The following FANCD2OS variants were observed in gnomAD, a reference collection of about 807,000 sequenced individuals.
FANCD2OS encodes the protein FANCD2 opposite strand protein.
FANCD2OS carries 11 observed loss-of-function variants against 13.2 expected under a neutral mutation model. The ratio of observed to expected loss-of-function variants is 0.83; its 90% CI spans 0.52 to 1.38. The LOEUF is 1.38. Ranked by LOEUF, FANCD2OS falls within the 40% of genes most tolerant of loss-of-function variation. FANCD2OS has a pLI of 0.00. For synonymous variants in FANCD2OS, 69 were observed against 84.5 expected (o/e 0.82, Z 1.01); for missense variants, 217 against 213.9 (o/e 1.01, Z -0.09).
intron 2 of FANCD2OS, among the ~76,000 whole-genome samples, chr3:10,084,360 C>T (rs1451985676): frequency 6.6e-6 from 1 of 151,270 alleles, no homozygotes; most frequent in Non-Finnish European, 1.5e-5. Flanking sequence ...AACACAATCA[C>T]AGCTCACTGC....
At chr3:10,092,346 A>T in intron 2 of FANCD2OS, 1 of 946,626 alleles carries the variant, frequency 1.1e-6, no homozygotes, top group East Asian at 2.4e-5. Flanking sequence ...TCCTCTTCCC[A>T]CTCTTCCTTG....
intron 2 of FANCD2OS, chr3:10,088,623 G>T (rs989705622): frequency 7.2e-5 from 83 of 1,152,560 alleles, no homozygotes; most frequent in Admixed American, 1.8e-4. Context: ...CTGGACAAAT[G>T]ACCTTTTTAG....
At chr3:10,097,208 A>G (rs541158285) in intron 2 of FANCD2OS, among the ~76,000 whole-genome samples, 1 of 152,352 alleles carries the variant, frequency 6.6e-6, no homozygotes, top group Non-Finnish European at 1.5e-5. Flanking sequence ...GGCGAAATTG[A>G]AATTGCTAAT....
intron 2 of FANCD2OS, among the ~76,000 whole-genome samples, chr3:10,090,103 T>A (rs779920070): frequency 1.3e-5 from 2 of 152,206 alleles, no homozygotes; most frequent in African/African-American, 4.8e-5. Context: ...GTTAATTCCA[T>A]TGTTTGACAG....
At position 10,093,270 on chromosome 3, in the gene FANCD2OS, C is replaced by T. The variant is rs747410472; in HGVS notation, c.*43+10928G>A. ...GCAGATCTCAGCCTTGGTTTCTTGT[C>T]TTTCACCTCTCCAGGTATTTGATAG... is the stretch of plus-strand genomic sequence containing the variant. On this transcript the variant is annotated intron_variant, in intron 2 of 2. Transcript: ENST00000524279. 13 of 1,612,102 alleles carry T rather than the reference C, an allele frequency of 8.1e-6. No individual in the cohort carries two copies. The Admixed American group carries it at 2.0e-4, about 25-fold the overall frequency.
At chr3:10,087,657 T>G (rs958755912) in intron 2 of FANCD2OS, among the ~76,000 whole-genome samples, 1 of 151,278 alleles carries the variant, frequency 6.6e-6, no homozygotes, top group African/African-American at 2.4e-5. Flanking sequence ...GGCCTTTTTC[T>G]TTTTTTTTGA....
At chr3:10,100,838 G>A (rs1383321666), downstream of FANCD2OS, among the ~76,000 whole-genome samples, 1 of 152,178 alleles carries the variant, frequency 6.6e-6, no homozygotes, top group African/African-American at 2.4e-5. Context: ...GGGAGGCTGA[G>A]GCAGGCAGAT....
chr3:10,094,433 C>T (rs2125091023), intron 2 of FANCD2OS: 1 of 1,332,910 alleles, frequency 7.5e-7, no homozygotes. Flanking sequence ...CTTGGTGACT[C>T]CTGGGTGGGG....
At chr3:10,082,843 G>A (rs895342718) in intron 2 of FANCD2OS, among the ~76,000 whole-genome samples, 6 of 152,202 alleles carry the variant, frequency 3.9e-5, no homozygotes, top group African/African-American at 1.4e-4. Flanking sequence ...GAAGGCAGAT[G>A]TCTGTCATTT....
chr3:10,082,149 C>T (rs35793548), intron 2 of FANCD2OS, among the ~76,000 whole-genome samples: 4,627 of 152,312 alleles, frequency 0.03, 240 homozygotes, highest in African/African-American at 0.11. Flanking sequence ...GCTCCTTCAG[C>T]TTTGCCTGGC....
At position 10,105,024 on chromosome 3, in the gene FANCD2OS, G is replaced by A. The variant is rs372683114; in HGVS notation, c.-8-242C>T. On this transcript the variant is annotated intron_variant, in intron 1 of 1. Transcript: ENST00000450660. ...TGCAGTGGAGCGATCTTGGCTCACT[G>A]TATTTTTTTGTAGTGACAGAGTTTT... Among the ~76,000 whole-genome samples the A allele has an allele frequency of 5.9e-5, 9 of 152,238 alleles. No homozygotes were observed. The South Asian group carries it at 8.3e-4, about 14-fold the overall frequency.
chr3:10,096,139 G>A (rs1559409348), intron 2 of FANCD2OS, among the ~76,000 whole-genome samples: 1 of 152,176 alleles, frequency 6.6e-6, no homozygotes, highest in Non-Finnish European at 1.5e-5. Context: ...ATGTCTTCTA[G>A]GCTTTGAATT....
At chr3:10,087,104 C>T (rs755009168) in intron 2 of FANCD2OS, 5 of 1,612,700 alleles carry the variant, frequency 3.1e-6, no homozygotes, top group Non-Finnish European at 3.4e-6. Context: ...GATACTATTG[C>T]ATTTGTTTGT....
chr3:10,086,322 G>C (rs1299382686), intron 2 of FANCD2OS, among the ~76,000 whole-genome samples: 2 of 152,110 alleles, frequency 1.3e-5, no homozygotes, highest in African/African-American at 4.8e-5. Flanking sequence ...GTGGCTGAGG[G>C]GTAGGCAGTG....
intron 2 of FANCD2OS, chr3:10,095,023 T>C (rs1694868876): frequency 1.6e-6 from 1 of 639,524 alleles, no homozygotes; most frequent in African/African-American, 1.8e-5. Context: ...AATGGGAGAG[T>C]TGAGAATAAG....
At chr3:10,093,919 G>T (rs1010308688) in intron 2 of FANCD2OS, among the ~76,000 whole-genome samples, 1 of 152,168 alleles carries the variant, frequency 6.6e-6, no homozygotes, top group African/African-American at 2.4e-5. Context: ...TCATTTATCT[G>T]ATTGGGAAAT....
At chr3:10,099,019 A>C, downstream of FANCD2OS, 1 of 1,612,098 alleles carries the variant, frequency 6.2e-7, no homozygotes, top group Non-Finnish European at 8.5e-7. Flanking sequence ...ATCACTCCTG[A>C]GTATCTCGAG....
chr3:10,087,081 CT>C, intron 2 of FANCD2OS: 1 of 1,601,044 alleles, frequency 6.2e-7, no homozygotes, highest in Non-Finnish European at 8.6e-7. Flanking sequence ...TTAAATATAT[CT>C]GTGACACATA....
At chr3:10,098,609 T>C, downstream of FANCD2OS, 2 of 1,379,218 alleles carry the variant, frequency 1.5e-6, no homozygotes, top group Non-Finnish European at 1.0e-6. Flanking sequence ...TTGCTGTGTT[T>C]TGAATGGCTA....
Sources: gnomAD v4.1 joint callset for allele counts (sites outside exome capture counted in the v4.1 genomes callset) on GRCh38, gnomAD v4.1.1 for gene constraint, MANE v1.5 for transcripts, NCBI Gene and HGNC (gene_info 2026-07-23, HGNC 2026-07-21) for gene names.